Variants in IQCM observed in about 807,000 individuals in gnomAD.
IQCM encodes IQ domain-containing protein M.
In IQCM, 45 loss-of-function variants were observed where a neutral mutation model predicts 57.6. The ratio of observed to expected loss-of-function variants is 0.78; its 90% CI spans 0.62 to 1.00. IQCM has a LOEUF of 1.00. Ranked by LOEUF, IQCM falls within the 50% of genes least tolerant of loss-of-function variation. The probability of loss-of-function intolerance (pLI) is 0.00; values close to 1 mark genes in which losing one functional copy is unlikely to be tolerated. For missense variants in IQCM, 468 were observed against 511.6 expected (o/e 0.91, Z 0.82); for synonymous variants, 148 against 158.9 (o/e 0.93, Z 0.51).
At chr4:149,747,300 C>T (rs1009087269) in intron 2 of IQCM, among the ~76,000 whole-genome samples, 1 of 152,176 alleles carries the variant, frequency 6.6e-6, no homozygotes, top group Non-Finnish European at 1.5e-5. Context: ...TATGAAGGAT[C>T]GATTCCAAGA....
At chr4:149,494,117 G>A (rs1415922224) in intron 12 of IQCM, among the ~76,000 whole-genome samples, 2 of 151,326 alleles carry the variant, frequency 1.3e-5, no homozygotes, top group African/African-American at 2.4e-5. Context: ...AGCCTGATAC[G>A]ATACCCACAA....
intron 13 of IQCM, among the ~76,000 whole-genome samples, chr4:149,406,307 A>G (rs1274042018): frequency 6.6e-6 from 1 of 152,136 alleles, no homozygotes; most frequent in Admixed American, 6.6e-5. Flanking sequence ...TAGTGAGCCC[A>G]TAATATTGAA....
chr4:149,720,403 T>C (rs1323759422), intron 5 of IQCM, among the ~76,000 whole-genome samples: 2 of 152,224 alleles, frequency 1.3e-5, no homozygotes, highest in African/African-American at 2.4e-5. Flanking sequence ...TGCTATTAAC[T>C]TCATTAAAAG....
chr4:149,372,798 T>C lies in IQCM; in HGVS notation c.1391-20732A>G, dbSNP rs188228297. Among the ~76,000 whole-genome samples, 309 of 152,266 alleles carry C rather than the reference T, an allele frequency of 2.0e-3. 2 individuals are homozygous for C. The highest frequency in any genetic ancestry group is 3.4e-3 in the Admixed American group (52 of 15,280). On this transcript the variant is annotated intron_variant, in intron 13 of 13. Transcript: ENST00000636793. ...ACTTCATTCTATTGTCATAGTTCCTTGGTTTTGAGGGACAAAATTAGTGGT... is the reference window on the plus strand; with the variant it reads ...ACTTCATTCTATTGTCATAGTTCCTCGGTTTTGAGGGACAAAATTAGTGGT...
chr4:149,663,415 T>C (rs1579907532), intron 7 of IQCM, among the ~76,000 whole-genome samples: 2 of 152,078 alleles, frequency 1.3e-5, no homozygotes, highest in Admixed American at 6.6e-5. Flanking sequence ...GTATTCATGA[T>C]AGTAATTATC....
intron 13 of IQCM, chr4:149,429,995 A>G (rs1734712663): frequency 8.1e-7 from 1 of 1,228,290 alleles, no homozygotes; most frequent in South Asian, 4.1e-5. Flanking sequence ...ACACAAATAG[A>G]TATAGGTCAC....
Position 149,611,679 on chromosome 4 carries a change from T to C in IQCM, c.681+9450A>G, listed in dbSNP as rs188113193. The stretch of plus-strand genomic sequence containing the variant: ...GAGTAAAATGATGGTTACCCAAGTC[T>C]GGGAAGAGTAATGGGGGTGGTGAGA... On this transcript the variant is annotated intron_variant, in intron 8 of 13. Coordinates refer to ENST00000636793, the MANE Select transcript of IQCM (RefSeq NM_001363507.2). 1.4e-4 allele frequency among the ~76,000 whole-genome samples: 22 copies of C among 152,148 alleles called. 1 individual carries two copies. The highest frequency in any genetic ancestry group is 5.1e-4 in the African/African-American group (21 of 41,550).
chr4:149,384,343 C>G (rs1254674886), intron 13 of IQCM, among the ~76,000 whole-genome samples: 2 of 152,126 alleles, frequency 1.3e-5, no homozygotes, highest in Non-Finnish European at 2.9e-5. Context: ...GAAGAATTCT[C>G]TGTCCTCCCA....
chr4:149,669,160 A>G (rs145879219), intron 7 of IQCM, among the ~76,000 whole-genome samples: 31 of 152,244 alleles, frequency 2.0e-4, no homozygotes, highest in African/African-American at 7.2e-4. Context: ...TGACTTTTTC[A>G]TGATCGCCAT....
intron 2 of IQCM, among the ~76,000 whole-genome samples, chr4:149,810,319 G>A (rs116714205): frequency 0.029 from 3,998 of 136,984 alleles, 199 homozygotes; most frequent in African/African-American, 0.1. Context: ...CCATGATTGC[G>A]CCATTACACT....
chr4:149,502,934 A>C (rs564191273), intron 12 of IQCM, among the ~76,000 whole-genome samples: 1 of 152,158 alleles, frequency 6.6e-6, no homozygotes, highest in South Asian at 2.1e-4. Flanking sequence ...ATTTGATTAA[A>C]AAAAAAAGTA....
At chr4:149,773,331 G>T (rs542110222) in intron 2 of IQCM, among the ~76,000 whole-genome samples, 1 of 150,072 alleles carries the variant, frequency 6.7e-6, no homozygotes, top group Non-Finnish European at 1.5e-5. Context: ...CAGCCTGGGC[G>T]ACGGAGCAAA....
At chr4:149,568,734 G>T (rs897118205) in intron 9 of IQCM, among the ~76,000 whole-genome samples, 1 of 152,170 alleles carries the variant, frequency 6.6e-6, no homozygotes, top group Non-Finnish European at 1.5e-5. Flanking sequence ...AGCCATGAGT[G>T]TGCCATTGCA....
intron 5 of IQCM, among the ~76,000 whole-genome samples, chr4:149,696,097 T>C (rs1026959644): frequency 6.6e-6 from 1 of 152,286 alleles, no homozygotes; most frequent in East Asian, 1.9e-4. Flanking sequence ...AGACTGGTTG[T>C]CTGCATATAT....
intron 12 of IQCM, among the ~76,000 whole-genome samples, chr4:149,463,536 G>A (rs1738527280): frequency 6.6e-6 from 1 of 152,268 alleles, no homozygotes; most frequent in East Asian, 1.9e-4. Flanking sequence ...GCAAAGATGA[G>A]TCTTTTCAAA....
chr4:149,552,331 A>G (rs1486189041), intron 11 of IQCM, among the ~76,000 whole-genome samples: 1 of 152,178 alleles, frequency 6.6e-6, no homozygotes, highest in Non-Finnish European at 1.5e-5. Flanking sequence ...ACTAGCTGAG[A>G]CTACCAACAT....
chr4:149,442,682 A>G (rs1289351761), intron 12 of IQCM, among the ~76,000 whole-genome samples: 1 of 151,988 alleles, frequency 6.6e-6, no homozygotes, highest in African/African-American at 2.4e-5. Context: ...GTTTATAATT[A>G]GATATTCTCT....
Position 149,402,184 on chromosome 4 carries a change from C to T in IQCM, c.1390+31212G>A, listed in dbSNP as rs547244578. Reference sequence around the variant, plus strand: ...ACAATATTAAGGTTCTTGGGTTCCTCTTTTCCACTGGCTCTCATTTTTCTA... The same window carrying T: ...ACAATATTAAGGTTCTTGGGTTCCTTTTTTCCACTGGCTCTCATTTTTCTA... On this transcript the variant is annotated intron_variant, in intron 13 of 13. Coordinates refer to ENST00000636793, the MANE Select transcript of IQCM (RefSeq NM_001363507.2). Among the ~76,000 whole-genome samples, 46 of 151,880 alleles carry T rather than the reference C, an allele frequency of 3.0e-4. 1 individual carries two copies. Among genetic ancestry groups the T allele is most frequent in the African/African-American group, 9.6e-4 (40 of 41,526 alleles).
chr4:149,678,260 G>T (rs551547864), intron 7 of IQCM, among the ~76,000 whole-genome samples: 1 of 151,762 alleles, frequency 6.6e-6, no homozygotes, highest in African/African-American at 2.4e-5. Context: ...CAAGGATAAA[G>T]AAAGAATCCT....
Sources: allele counts gnomAD v4.1 joint callset (sites outside exome capture counted in the v4.1 genomes callset), GRCh38; gene constraint gnomAD v4.1.1; transcripts MANE v1.5; gene names NCBI Gene and HGNC (gene_info 2026-07-23, HGNC 2026-07-21).